The following SAMMSON variants were observed in gnomAD, a reference collection of about 807,000 sequenced individuals.
The protein encoded by SAMMSON is survival associated mitochondrial melanoma specific oncogenic non-coding RNA.
intron 3 of SAMMSON, among the ~76,000 whole-genome samples, chr3:70,045,120 T>A (rs1405109477): frequency 6.1e-4 from 53 of 87,348 alleles, no homozygotes; most frequent in African/African-American, 1.5e-3. Flanking sequence ...TTTATATATA[T>A]TAATTATAAT....
At chr3:70,068,101 CT>C (rs2067217197) in intron 3 of SAMMSON, 2 of 151,926 alleles carry the variant, frequency 1.3e-5, no homozygotes, top group Non-Finnish European at 2.9e-5. Context: ...AGGTAACTTG[CT>C]TTTGGAGAGA....
intron 3 of SAMMSON, among the ~76,000 whole-genome samples, chr3:70,024,112 TTCTG>T (rs1304839690): frequency 2.6e-5 from 4 of 152,226 alleles, no homozygotes; most frequent in Non-Finnish European, 1.5e-5. Flanking sequence ...ACTCTCATTA[TTCTG>T]TCTGTCTCAT....
At chr3:70,273,923 C>T (rs1010262313) in intron 6 of SAMMSON, among the ~76,000 whole-genome samples, 1 of 152,024 alleles carries the variant, frequency 6.6e-6, no homozygotes, top group Non-Finnish European at 1.5e-5. Context: ...CCTCCTTGGC[C>T]CCCAGAGCAG....
At chr3:70,085,607 C>A (rs2067282843) in intron 4 of SAMMSON, among the ~76,000 whole-genome samples, 1 of 152,162 alleles carries the variant, frequency 6.6e-6, no homozygotes, top group African/African-American at 2.4e-5. Context: ...AAGGAAGTCA[C>A]TCTTCCTCCC....
At chr3:70,377,019 C>T (rs1283031314) in intron 9 of SAMMSON, among the ~76,000 whole-genome samples, 1 of 152,064 alleles carries the variant, frequency 6.6e-6, no homozygotes, top group Non-Finnish European at 1.5e-5. Context: ...CAAAGGCATA[C>T]CATTCTTGAA....
chr3:70,372,314 A>G (rs949806068), intron 9 of SAMMSON, among the ~76,000 whole-genome samples: 1 of 151,440 alleles, frequency 6.6e-6, no homozygotes, highest in Non-Finnish European at 1.5e-5. Flanking sequence ...TTTTATTTAT[A>G]TATTTATTTA....
chr3:70,143,943 TA>T (rs2067538073), intron 4 of SAMMSON, among the ~76,000 whole-genome samples: 1 of 152,286 alleles, frequency 6.6e-6, no homozygotes, highest in Admixed American at 6.5e-5. Flanking sequence ...CCTTTATAAG[TA>T]CATAAGTGGC....
At chr3:70,239,178 C>A (rs916226251) in intron 4 of SAMMSON, among the ~76,000 whole-genome samples, 1 of 152,074 alleles carries the variant, frequency 6.6e-6, no homozygotes, top group Non-Finnish European at 1.5e-5. Flanking sequence ...TAGGAATTTA[C>A]GTATGTTATG....
intron 1 of SAMMSON, among the ~76,000 whole-genome samples, chr3:70,010,366 T>G (rs1410313718): frequency 6.6e-6 from 1 of 152,180 alleles, no homozygotes; most frequent in Non-Finnish European, 1.5e-5. Flanking sequence ...GCTCTTCATG[T>G]GGAATTGTTC....
At chr3:70,104,221 A>C (rs560281403) in intron 4 of SAMMSON, among the ~76,000 whole-genome samples, 1 of 152,226 alleles carries the variant, frequency 6.6e-6, no homozygotes, top group South Asian at 2.1e-4. Flanking sequence ...TGTTAAAAGC[A>C]AATACGAATA....
chr3:70,089,833 T>A (rs774983733), intron 4 of SAMMSON, among the ~76,000 whole-genome samples: 2 of 152,134 alleles, frequency 1.3e-5, no homozygotes, highest in Non-Finnish European at 2.9e-5. Context: ...CATGGGTCAA[T>A]CTTTACAGGT....
chr3:70,400,003 G>C (rs1701127079), intron 2 of SAMMSON, among the ~76,000 whole-genome samples: 1 of 149,170 alleles, frequency 6.7e-6, no homozygotes, highest in African/African-American at 2.6e-5. Flanking sequence ...AGGTAAGAAG[G>C]GTGTGTGATT....
chr3:70,371,940 TC>T (rs1429365897), intron 9 of SAMMSON, among the ~76,000 whole-genome samples: 1 of 152,152 alleles, frequency 6.6e-6, no homozygotes, highest in African/African-American at 2.4e-5. Context: ...TTTCATCTTT[TC>T]CCCATTTTAT....
intron 4 of SAMMSON, among the ~76,000 whole-genome samples, chr3:70,175,670 G>A (rs559767273): frequency 6.6e-6 from 1 of 152,032 alleles, no homozygotes; most frequent in Non-Finnish European, 1.5e-5. Context: ...TACCCCAGTT[G>A]CTCTACAATC....
chr3:70,237,011 C>T (rs779223722), intron 4 of SAMMSON, among the ~76,000 whole-genome samples: 3 of 152,200 alleles, frequency 2.0e-5, no homozygotes, highest in Non-Finnish European at 4.4e-5. Flanking sequence ...GTCAAGGCAA[C>T]ATCTCCACTT....
rs962492839 is a variant in SAMMSON, at chr3:70,208,059, C to T, written n.508-41048C>T. 9.9e-5 allele frequency among the ~76,000 whole-genome samples: 15 copies of T among 152,098 alleles called. No individual in the cohort carries two copies. In the East Asian group the frequency reaches 2.9e-3, roughly 29 times the overall value. On this transcript the variant is annotated intron_variant and non_coding_transcript_variant, in intron 4 of 9. Coordinates refer to ENST00000642114, the Ensembl canonical transcript of SAMMSON. ...GATTGAGAAGTGTATAAAAGAGAAG[C>T]ATATCATAAAATCATGTTAGAGAGA...
intron 4 of SAMMSON, among the ~76,000 whole-genome samples, chr3:70,147,452 A>T (rs557992506): frequency 1.2e-3 from 186 of 152,158 alleles, no homozygotes; most frequent in Non-Finnish European, 2.1e-3. Flanking sequence ...ACTGTGTGTT[A>T]TTGTCAAGGG....
At chr3:70,354,286 A>C (rs1388837983) in intron 8 of SAMMSON, 1 of 152,234 alleles carries the variant, frequency 6.6e-6, no homozygotes. Flanking sequence ...AGGTTAGTTA[A>C]AAAATTAACA....
intron 3 of SAMMSON, among the ~76,000 whole-genome samples, chr3:70,071,093 G>A (rs2067227733): frequency 6.6e-6 from 1 of 151,866 alleles, no homozygotes; most frequent in African/African-American, 2.4e-5. Context: ...GGTCTTATAG[G>A]TATCGTATTT....
Sources: allele counts gnomAD v4.1 joint callset (sites outside exome capture counted in the v4.1 genomes callset), GRCh38; gene constraint gnomAD v4.1.1; transcripts MANE v1.5; gene names NCBI Gene and HGNC (gene_info 2026-07-23, HGNC 2026-07-21).